The following HEATR6 variants were observed in gnomAD, a reference collection of about 807,000 sequenced individuals.
The protein encoded by HEATR6 is HEAT repeat-containing protein 6.
In HEATR6, 106 loss-of-function variants were observed where a neutral mutation model predicts 132.8. The observed-to-expected ratio is 0.80, with a 90% CI of 0.68 to 0.94. The LOEUF (loss-of-function observed/expected upper bound fraction) is 0.94. HEATR6 is among the 40% of genes least tolerant of loss of function. HEATR6 has a pLI of 0.00. For synonymous variants in HEATR6, 529 were observed against 537.8 expected (o/e 0.98, Z 0.23); for missense variants, 1,339 against 1,425.1 (o/e 0.94, Z 0.97).
chr17:60,046,379 G>T, intron 18 of HEATR6, 150 bp from the exon 19 acceptor site: 1 of 575,988 alleles, frequency 1.7e-6, no homozygotes, highest in Admixed American at 3.1e-5. Context: ...AACATCCTGA[G>T]CCATCAGAAA....
chr17:60,061,654 A>G (rs2083211983), intron 9 of HEATR6, among the ~76,000 whole-genome samples: 1 of 152,388 alleles, frequency 6.6e-6, no homozygotes, highest in Non-Finnish European at 1.5e-5. Context: ...CGGACAATGC[A>G]ATCTGAATTC....
chr17:60,067,476 G>T lies in HEATR6; in HGVS notation c.1196C>A (p.Ser399Ter). ...SSWKRVSSSE[S>*]DFSDAEGGMQ... ...GCCTCCTTCAGCATCAGAAAAGTCT[G>T]ACTCACTACTGCTGACCCTTTTCCA... is the stretch of plus-strand genomic sequence containing the variant. Residue 399 changes from serine (S) to a stop codon, truncating the protein, a stop_gained, in exon 8 of 20, where the codon TCA becomes TAA. Coordinates refer to ENST00000184956, the MANE Select transcript of HEATR6 (RefSeq NM_022070.5). LOFTEE classifies it high-confidence loss of function. 3 of 1,578,898 alleles carry T rather than the reference G, an allele frequency of 1.9e-6. No individual in the cohort carries two copies. The South Asian group carries it at 3.5e-5, about 19-fold the overall frequency.
intron 8 of HEATR6, 113 bp downstream of exon 8, chr17:60,067,321 G>A (rs1597954700): frequency 6.6e-6 from 4 of 603,242 alleles, no homozygotes; most frequent in Non-Finnish European, 1.1e-5. Context: ...ATAACACCAT[G>A]CCCCCCAGAA....
intron 8 of HEATR6, among the ~76,000 whole-genome samples, chr17:60,067,199 G>A (rs1320074533): frequency 1.3e-5 from 2 of 149,360 alleles, no homozygotes; most frequent in African/African-American, 2.5e-5. Context: ...GAACCCGGGA[G>A]GCGGAGCTTG....
Position 60,041,441 on chromosome 17 carries a change from AT to A in HEATR6, c.*2121del, listed in dbSNP as rs948501086. On this transcript the variant is annotated 3_prime_UTR_variant, in exon 20 of 20. Transcript: ENST00000184956. ...CACAGTAATAAGCTGTCTATGCCAT[AT>A]TTTTTTTTTCCTTTTTTGAAAATGC... is the stretch of plus-strand genomic sequence containing the variant. Among the ~76,000 whole-genome samples, 36 of 150,304 alleles carry A rather than the reference AT, an allele frequency of 2.4e-4. No homozygotes were observed. Among genetic ancestry groups the A allele is most frequent in the East Asian group, 1.4e-3 (7 of 5,158 alleles).
chr17:60,047,021 A>AT lies in HEATR6; in HGVS notation c.2769+287dup, dbSNP rs753671987. Among the ~76,000 whole-genome samples, 453 of 146,856 alleles carry AT rather than the reference A, an allele frequency of 3.1e-3. 2 individuals are homozygous for AT. The highest frequency in any genetic ancestry group is 5.9e-3 in the African/African-American group (238 of 40,304). ...AGCTACTCATCTTTCTGACTTGTCA[A>AT]TTTTTTTTTTTTGGAAAATAAAAAA... On this transcript the variant is annotated intron_variant, in intron 18 of 19. Coordinates refer to ENST00000184956, the MANE Select transcript of HEATR6 (RefSeq NM_022070.5).
intron 18 of HEATR6, 66 bp downstream of exon 18, chr17:60,047,230 GCCACACTGAACTA>G: frequency 1.1e-6 from 1 of 889,958 alleles, no homozygotes; most frequent in South Asian, 1.6e-5. Flanking sequence ...GGAACATCAA[GCCACACTGAACTA>G]CCACACTGCA....
At chr17:60,076,902 A>G (rs2083299977) in intron 1 of HEATR6, among the ~76,000 whole-genome samples, 1 of 151,350 alleles carries the variant, frequency 6.6e-6, no homozygotes, top group Non-Finnish European at 1.5e-5. Flanking sequence ...GAAAAATCAG[A>G]CCTAACACTT....
At chr17:60,073,721 G>C (rs1403990150) in intron 3 of HEATR6, 25 bp downstream of exon 3, 1 of 1,608,878 alleles carries the variant, frequency 6.2e-7, no homozygotes. Context: ...GCCTTTCAAA[G>C]GAAGGATAAA....
chr17:60,076,926 G>T (rs936746110), intron 1 of HEATR6, among the ~76,000 whole-genome samples: 3 of 146,332 alleles, frequency 2.1e-5, no homozygotes, highest in Non-Finnish European at 4.5e-5. Flanking sequence ...TGGATTTTAT[G>T]CATAATTAGG....
intron 2 of HEATR6, 166 bp downstream of exon 2, chr17:60,075,963 TG>T: frequency 4.3e-6 from 2 of 464,130 alleles, no homozygotes; most frequent in Non-Finnish European, 7.6e-6. Flanking sequence ...ATAATTTTTT[TG>T]GATCAGAGTT....
chr17:60,059,552 G>C (rs753211366), intron 10 of HEATR6, 31 bp from the exon 11 acceptor site: 3 of 1,464,136 alleles, frequency 2.0e-6, no homozygotes, highest in Non-Finnish European at 1.9e-6. Flanking sequence ...CTCATCAAAA[G>C]GCTTGATTAA....
chr17:60,041,740 TC>T lies in HEATR6; in HGVS notation c.*1822del, dbSNP rs1230985333. 9.8e-5 allele frequency among the ~76,000 whole-genome samples: 15 copies of T among 152,326 alleles called. No individual in the cohort carries two copies. The highest frequency in any genetic ancestry group is 3.1e-4 in the African/African-American group (13 of 41,586). On this transcript the variant is annotated 3_prime_UTR_variant, in exon 20 of 20. Transcript: ENST00000184956. ...CCCAATCACTGCCCAGAGAGCAGTTTCTGAGCAGCCAACATGTCAGAGGCAG... is the reference window on the plus strand; with the variant it reads ...CCCAATCACTGCCCAGAGAGCAGTTTTGAGCAGCCAACATGTCAGAGGCAG...
In HEATR6 at chr17:60,067,524, G is replaced by T; in HGVS notation, c.1148C>A (p.Ser383Tyr). The part of the protein sequence containing the change: ...GSGAAEKDGV[S>Y]SSFSSSSWKR... ...CCAACTGGAAGAACTGAAGGATGAG[G>T]AGACTCCATCTTTTTCTGCAGCTCC... is the stretch of plus-strand genomic sequence containing the variant. Residue 383 changes from serine to tyrosine, a missense_variant, in exon 8 of 20, where the codon TCC (serine) becomes TAC (tyrosine). Physicochemically the swap from Ser to Tyr is moderately radical, Grantham distance 144. Coordinates refer to ENST00000184956, the MANE Select transcript of HEATR6 (RefSeq NM_022070.5). The T allele has an allele frequency of 6.2e-7, 1 of 1,612,982 alleles. No homozygotes were observed. The highest frequency in any genetic ancestry group is 1.1e-5 in the South Asian group (1 of 90,826).
In HEATR6 at chr17:60,049,719, G is replaced by T; in HGVS notation, c.2425-17C>A. On this transcript the variant is annotated splice_polypyrimidine_tract_variant and intron_variant, in intron 15 of 19. Coordinates refer to ENST00000184956, the MANE Select transcript of HEATR6 (RefSeq NM_022070.5). ...CCTGTCATTCTGCAATGAGAAGGTT[G>T]ACAAGGGAAAAATGAGAATGAAATA... The T allele has an allele frequency of 1.9e-6, 3 of 1,610,478 alleles. No individual in the cohort carries two copies. The South Asian group carries it at 3.3e-5, about 18-fold the overall frequency.
intron 16 of HEATR6, 139 bp from the exon 17 acceptor site, chr17:60,048,527 T>G: frequency 1.2e-6 from 1 of 846,068 alleles, no homozygotes; most frequent in Admixed American, 3.4e-5. Flanking sequence ...ACTCAATCAA[T>G]TTACTGTTCT....
chr17:60,076,010 G>A (rs369617865), intron 2 of HEATR6, 120 bp downstream of exon 2: 26 of 565,364 alleles, frequency 4.6e-5, no homozygotes, highest in Middle Eastern at 4.0e-4. Flanking sequence ...TTAGGCATTT[G>A]CTTTTCCTAT....
At chr17:60,061,943 T>A (rs893320823) in intron 9 of HEATR6, among the ~76,000 whole-genome samples, 1 of 152,228 alleles carries the variant, frequency 6.6e-6, no homozygotes, top group African/African-American at 2.4e-5. Flanking sequence ...AATGAACTAA[T>A]GTTCCAAAAG....
At chr17:60,069,656 A>G in intron 7 of HEATR6, 55 bp downstream of exon 7, 1 of 1,533,878 alleles carries the variant, frequency 6.5e-7, no homozygotes, top group Non-Finnish European at 9.0e-7. Context: ...GAAAACACAC[A>G]CAACAATCTA....
Sources: allele counts gnomAD v4.1 joint callset (sites outside exome capture counted in the v4.1 genomes callset), GRCh38; gene constraint gnomAD v4.1.1; transcripts MANE v1.5; gene names NCBI Gene and HGNC (gene_info 2026-07-23, HGNC 2026-07-21).